KCNJ6: variants seen among roughly 807,000 people sequenced by gnomAD.
KCNJ6 encodes the protein G protein-activated inward rectifier potassium channel 2.
Under a neutral mutation model 34.2 loss-of-function variants are expected in KCNJ6, and 9 were observed. The observed-to-expected ratio is 0.26, with a 90% CI of 0.16 to 0.46. KCNJ6 has a LOEUF of 0.46. KCNJ6 is among the 20% of genes least tolerant of loss of function. The pLI is 1.00. For missense variants in KCNJ6, 236 were observed against 531.3 expected (o/e 0.44, Z 5.46); for synonymous variants, 196 against 207.1 (o/e 0.95, Z 0.46).
intron 2 of KCNJ6, among the ~76,000 whole-genome samples, chr21:37,757,659 A>AGTGTGCT (rs2055037229): frequency 2.1e-5 from 3 of 142,728 alleles, no homozygotes; most frequent in South Asian, 2.3e-4. Context: ...TCTCCCTCAC[A>AGTGTGCT]GATTCCAGCC....
intron 2 of KCNJ6, among the ~76,000 whole-genome samples, chr21:37,787,981 T>G (rs2055200021): frequency 6.6e-6 from 1 of 152,172 alleles, no homozygotes; most frequent in African/African-American, 2.4e-5. Context: ...TTCTTTAAGG[T>G]CATGGACAGA....
At chr21:37,896,514 C>G (rs959656312) in intron 1 of KCNJ6, among the ~76,000 whole-genome samples, 1 of 152,126 alleles carries the variant, frequency 6.6e-6, no homozygotes, top group Admixed American at 6.5e-5. Context: ...GCTAGTGGTG[C>G]CTGGAACATT....
chr21:37,859,643 T>C (rs1181672014), intron 1 of KCNJ6, among the ~76,000 whole-genome samples: 1 of 150,714 alleles, frequency 6.6e-6, no homozygotes, highest in Non-Finnish European at 1.5e-5. Flanking sequence ...TGTATCTCAG[T>C]GGTAGGGATA....
chr21:37,831,535 G>C (rs1348524531), intron 2 of KCNJ6, among the ~76,000 whole-genome samples: 1 of 146,746 alleles, frequency 6.8e-6, no homozygotes, highest in East Asian at 2.2e-4. Flanking sequence ...GCAAGCATGA[G>C]CAGACAGGGG....
chr21:37,735,610 C>G (rs1219440417), intron 2 of KCNJ6, among the ~76,000 whole-genome samples: 1 of 152,224 alleles, frequency 6.6e-6, no homozygotes, highest in Non-Finnish European at 1.5e-5. Context: ...AGACTCCATG[C>G]AAGCCCCCTG....
intron 3 of KCNJ6, among the ~76,000 whole-genome samples, chr21:37,668,728 T>C (rs2054528641): frequency 1.3e-5 from 2 of 152,160 alleles, no homozygotes; most frequent in South Asian, 4.1e-4. Context: ...TCCACTTTCT[T>C]ACTCATCTGA....
In KCNJ6 at chr21:37,815,789, A is replaced by G. The variant is rs887618561; in HGVS notation, c.25+24869T>C. 2.0e-5 allele frequency among the ~76,000 whole-genome samples: 3 copies of G among 152,240 alleles called. No homozygotes were observed. In the East Asian group the frequency reaches 5.8e-4, roughly 29 times the overall value. ...ACAGCTGTTTCCCTTTGGGAGGCTG[A>G]TAAAAGCTTTGAGCCCTTGGCTTTA... On this transcript the variant is annotated intron_variant, in intron 2 of 3. Transcript: ENST00000609713.
At chr21:37,852,278 C>T (rs920650144) in intron 1 of KCNJ6, among the ~76,000 whole-genome samples, 4 of 152,178 alleles carry the variant, frequency 2.6e-5, no homozygotes, top group Non-Finnish European at 5.9e-5. Flanking sequence ...TGGTCCTCCA[C>T]ACGGTTCTGG....
Position 37,857,324 on chromosome 21 carries a change from C to A in KCNJ6, c.-27-16615G>T, listed in dbSNP as rs548079295. Among the ~76,000 whole-genome samples the A allele has an allele frequency of 3.9e-5, 6 of 152,314 alleles. No homozygotes were observed. The South Asian group carries it at 1.2e-3, about 32-fold the overall frequency. Reference sequence around the variant, plus strand: ...GAAATCTATGGCAGAGCTGGCTGCCCACAGCCTTCTTCATCCTGGGGGCAT... The same window carrying A: ...GAAATCTATGGCAGAGCTGGCTGCCAACAGCCTTCTTCATCCTGGGGGCAT... On this transcript the variant is annotated intron_variant, in intron 1 of 3. Transcript: ENST00000609713.
At chr21:37,657,156 C>T (rs528019256) in intron 3 of KCNJ6, among the ~76,000 whole-genome samples, 1 of 152,132 alleles carries the variant, frequency 6.6e-6, no homozygotes, top group South Asian at 2.1e-4. Flanking sequence ...CAGCCGGTCC[C>T]CAGGTATCTG....
intron 3 of KCNJ6, among the ~76,000 whole-genome samples, chr21:37,688,509 T>C (rs913590832): frequency 6.6e-6 from 1 of 152,166 alleles, no homozygotes; most frequent in East Asian, 1.9e-4. Context: ...ATCAGATCAG[T>C]CAGTCAAGGA....
intron 1 of KCNJ6, among the ~76,000 whole-genome samples, chr21:37,865,631 T>G (rs1044779715): frequency 2.6e-5 from 4 of 152,242 alleles, no homozygotes; most frequent in Admixed American, 1.3e-4. Context: ...AACTTGTCCA[T>G]GTCATACCCC....
In KCNJ6 at chr21:37,613,541, T is replaced by TA. The variant is rs150883842; in HGVS notation, c.*11617dup. 0.25 allele frequency: 37,378 copies of TA among 152,126 alleles called. 5,384 individuals carry two copies. Among genetic ancestry groups the TA allele is most frequent in the South Asian group, 0.33 (1,577 of 4,808 alleles). 9.4% of individuals were successfully genotyped at this position (152,126 alleles called of 1,614,324 possible). A position where few individuals can be genotyped will look rare whatever the true frequency, so the allele number is the denominator to read the frequency against. ...AGGTGTCCTTCAGTAGGTGAATGGA[T>TA]AAATAAACAGTGGTACATCCAGAAA... is the stretch of plus-strand genomic sequence containing the variant. On this transcript the variant is annotated 3_prime_UTR_variant, in exon 4 of 4. Coordinates refer to ENST00000609713, the MANE Select transcript of KCNJ6 (RefSeq NM_002240.5).
chr21:37,714,719 T>C lies in KCNJ6; in HGVS notation c.438A>G (p.Ser146=). The stretch of plus-strand genomic sequence containing the variant: ...AACCAATGGTGGTTTCTGTCTCTAT[T>C]GAGAATAAAAAAGCAGAGACGAACC... ...LNGFVSAFLF[S]IETETTIGYG... The change falls in exon 3 of 4, where the codon TCA becomes TCG. Residue 146 remains serine (S), a synonymous_variant. Coordinates refer to ENST00000609713, the MANE Select transcript of KCNJ6 (RefSeq NM_002240.5). The surrounding 1 kb of genome is among the most constrained non-coding windows in gnomAD (Gnocchi z 5.9). 1 of 1,614,058 alleles carries C rather than the reference T, an allele frequency of 6.2e-7. No individual in the cohort carries two copies. The highest frequency in any genetic ancestry group is 8.5e-7 in the Non-Finnish European group (1 of 1,179,986).
chr21:37,647,927 GGCACT>G (rs1192834436), intron 3 of KCNJ6, among the ~76,000 whole-genome samples: 12 of 152,224 alleles, frequency 7.9e-5, no homozygotes, highest in Admixed American at 7.2e-4. Context: ...CGTGGAAAAT[GGCACT>G]GCTAACACTG....
intron 2 of KCNJ6, among the ~76,000 whole-genome samples, chr21:37,722,891 C>T (rs552718603): frequency 8.5e-4 from 129 of 152,286 alleles, no homozygotes; most frequent in African/African-American, 2.8e-3. Flanking sequence ...GAATATATGA[C>T]TACGTCCCTT....
At chr21:37,818,205 T>C (rs1454225518) in intron 2 of KCNJ6, among the ~76,000 whole-genome samples, 5 of 149,682 alleles carry the variant, frequency 3.3e-5, no homozygotes, top group East Asian at 3.9e-4. Context: ...TGTGTGTGTG[T>C]GCGTGCGTGT....
intron 3 of KCNJ6, among the ~76,000 whole-genome samples, chr21:37,626,336 G>C (rs1018115381): frequency 2.6e-5 from 4 of 152,064 alleles, no homozygotes; most frequent in African/African-American, 9.7e-5. Context: ...GTTTCATCGT[G>C]TTGCCCAGGC....
At chr21:37,684,092 T>A (rs968438095) in intron 3 of KCNJ6, among the ~76,000 whole-genome samples, 1 of 152,226 alleles carries the variant, frequency 6.6e-6, no homozygotes, top group Non-Finnish European at 1.5e-5. Context: ...TGGGCTGTCA[T>A]AACGAAGTAT....
Sources: allele counts gnomAD v4.1 joint callset (sites outside exome capture counted in the v4.1 genomes callset), GRCh38; gene constraint gnomAD v4.1.1; non-coding constraint Gnocchi (gnomAD v3.1); transcripts MANE v1.5; gene names NCBI Gene and HGNC (gene_info 2026-07-23, HGNC 2026-07-21).